CRADD: variants seen among roughly 807,000 people sequenced by gnomAD.
CRADD encodes CARD and death domain containing adaptor protein, also known as death domain-containing protein CRADD.
CRADD carries 9 observed loss-of-function variants against 15.5 expected under a neutral mutation model. That is an observed-to-expected ratio of 0.58 (90% confidence interval 0.35 to 1.01). The LOEUF (loss-of-function observed/expected upper bound fraction) is 1.01. CRADD is among the 50% of genes least tolerant of loss of function. The pLI is 0.02. For synonymous variants in CRADD, 118 were observed against 107.6 expected (o/e 1.10, Z -0.60); for missense variants, 227 against 250.3 (o/e 0.91, Z 0.63).
At chr12:93,744,289 G>T (rs904961259) in intron 2 of CRADD, among the ~76,000 whole-genome samples, 12 of 152,170 alleles carry the variant, frequency 7.9e-5, no homozygotes, top group African/African-American at 2.9e-4. Flanking sequence ...GTTGTACTGG[G>T]GGCCCAGTTG....
At chr12:93,708,604 C>T (rs916599567) in intron 2 of CRADD, 1 of 152,272 alleles carries the variant, frequency 6.6e-6, no homozygotes, top group Non-Finnish European at 1.5e-5. Flanking sequence ...CTCCACCAGC[C>T]TTCTCTGACC....
chr12:93,682,283 T>G (rs1847780460), intron 2 of CRADD, among the ~76,000 whole-genome samples: 1 of 152,232 alleles, frequency 6.6e-6, no homozygotes, highest in African/African-American at 2.4e-5. Context: ...TCTTTGAGTT[T>G]TGAGGATCTA....
intron 2 of CRADD, among the ~76,000 whole-genome samples, chr12:93,804,403 A>G (rs1957512321): frequency 6.6e-6 from 1 of 152,190 alleles, no homozygotes; most frequent in Non-Finnish European, 1.5e-5. Flanking sequence ...ATAACCAGGT[A>G]TATACCAGCT....
chr12:93,798,753 G>T (rs1357196706), intron 2 of CRADD, among the ~76,000 whole-genome samples: 1 of 152,182 alleles, frequency 6.6e-6, no homozygotes, highest in African/African-American at 2.4e-5. Context: ...CACATGGCTG[G>T]CTCCTTTGGC....
At chr12:93,831,861 G>T (rs1445112133) in intron 2 of CRADD, among the ~76,000 whole-genome samples, 1 of 152,196 alleles carries the variant, frequency 6.6e-6, no homozygotes, top group Admixed American at 6.5e-5. Flanking sequence ...GATTGATGTG[G>T]ATTCTGTGAG....
At chr12:93,815,152 C>G (rs2137012122) in intron 2 of CRADD, 1 of 152,334 alleles carries the variant, frequency 6.6e-6, no homozygotes, top group Non-Finnish European at 1.5e-5. Flanking sequence ...TCCCGCCGGA[C>G]ATTCAAGGAA....
chr12:93,684,014 C>G (rs997714598), intron 2 of CRADD, among the ~76,000 whole-genome samples: 1 of 151,972 alleles, frequency 6.6e-6, no homozygotes. Flanking sequence ...AGACCCTTCC[C>G]TCGGTAAAGG....
rs1958147970 is a variant in CRADD at position 93,847,710 on chromosome 12, A to G, written c.299-2260A>G. 2.6e-5 allele frequency among the ~76,000 whole-genome samples: 4 copies of G among 152,214 alleles called. No individual in the cohort carries two copies. The South Asian group carries it at 8.3e-4, about 31-fold the overall frequency. ...GCATGGATGATTGTTAAAGAAATGTATAACTATTAGGCATCTGGCAAAATA... is the reference window on the plus strand; with the variant it reads ...GCATGGATGATTGTTAAAGAAATGTGTAACTATTAGGCATCTGGCAAAATA... On this transcript the variant is annotated intron_variant, in intron 2 of 2. Transcript: ENST00000332896.
At chr12:93,727,277 T>C (rs552329226) in intron 2 of CRADD, among the ~76,000 whole-genome samples, 1 of 152,334 alleles carries the variant, frequency 6.6e-6, no homozygotes, top group South Asian at 2.1e-4. Flanking sequence ...TGTCGCCTTC[T>C]TCCTCCATGC....
At chr12:93,759,505 T>C (rs1332545416) in intron 2 of CRADD, among the ~76,000 whole-genome samples, 3 of 152,166 alleles carry the variant, frequency 2.0e-5, no homozygotes, top group African/African-American at 7.2e-5. Context: ...CATCTTTCAT[T>C]TTGGTCCCCA....
chr12:93,841,237 T>C (rs1958043638), intron 2 of CRADD, among the ~76,000 whole-genome samples: 1 of 152,184 alleles, frequency 6.6e-6, no homozygotes, highest in Non-Finnish European at 1.5e-5. Context: ...TAATATTTTA[T>C]TTATAATTTT....
intron 2 of CRADD, among the ~76,000 whole-genome samples, chr12:93,761,967 T>C (rs1190207526): frequency 6.6e-6 from 1 of 152,206 alleles, no homozygotes; most frequent in East Asian, 1.9e-4. Context: ...TTTGCTTTCC[T>C]GCCATCTTCT....
chr12:93,880,830 C>G (rs766551986), intron 2 of CRADD, among the ~76,000 whole-genome samples: 1 of 152,190 alleles, frequency 6.6e-6, no homozygotes, highest in South Asian at 2.1e-4. Context: ...AGAATCGGTA[C>G]TTTTTCTAGT....
In CRADD at chr12:93,769,481, C is replaced by A. The variant is rs760418901; in HGVS notation, c.299-80489C>A. ...ATTCTTGTACATGTCTTTTGGCATA[C>A]GTGTGCAGTTTTAAAGTTGTTCATT... On this transcript the variant is annotated intron_variant, in intron 2 of 2. Transcript: ENST00000332896. Among the ~76,000 whole-genome samples, 3 of 152,196 alleles carry A rather than the reference C, an allele frequency of 2.0e-5. No homozygotes were observed. In the South Asian group the frequency reaches 6.2e-4, roughly 32 times the overall value.
chr12:93,734,229 A>C (rs964766546), intron 2 of CRADD, among the ~76,000 whole-genome samples: 4 of 152,198 alleles, frequency 2.6e-5, no homozygotes, highest in Admixed American at 6.5e-5. Flanking sequence ...ATAGTAGTAA[A>C]ATAGTCAAAG....
At chr12:93,887,182 AC>A (rs1258668298) in intron 2 of CRADD, among the ~76,000 whole-genome samples, 2 of 152,196 alleles carry the variant, frequency 1.3e-5, no homozygotes, top group African/African-American at 4.8e-5. Flanking sequence ...ACAATAGCTT[AC>A]CCAATCGTCC....
intron 2 of CRADD, among the ~76,000 whole-genome samples, chr12:93,863,059 A>G (rs1332589493): frequency 1.3e-5 from 2 of 152,190 alleles, no homozygotes; most frequent in Non-Finnish European, 2.9e-5. Context: ...TCCTTCTTTA[A>G]TGATTAATAA....
chr12:93,840,180 AT>A (rs1314210313), intron 2 of CRADD, among the ~76,000 whole-genome samples: 5 of 152,196 alleles, frequency 3.3e-5, no homozygotes, highest in African/African-American at 9.6e-5. Context: ...TCTTTATATT[AT>A]AACAATGTCA....
intron 2 of CRADD, among the ~76,000 whole-genome samples, chr12:93,863,596 T>TGTGTG (rs1555230280): frequency 8.0e-6 from 1 of 124,774 alleles, no homozygotes; most frequent in Non-Finnish European, 1.7e-5. Context: ...GTGGAGGCAT[T>TGTGTG]TGTGTGTGTG....
Sources: allele counts gnomAD v4.1 joint callset (sites outside exome capture counted in the v4.1 genomes callset), GRCh38; gene constraint gnomAD v4.1.1; transcripts MANE v1.5; gene names NCBI Gene and HGNC (gene_info 2026-07-23, HGNC 2026-07-21).